MIGA1: variants seen among roughly 807,000 people sequenced by gnomAD.
The protein encoded by MIGA1 is family with sequence similarity 73, member A.
In MIGA1, 58 loss-of-function variants were observed where a neutral mutation model predicts 82.0. The ratio of observed to expected loss-of-function variants is 0.71; its 90% CI spans 0.57 to 0.88. The LOEUF (loss-of-function observed/expected upper bound fraction) is 0.88, where lower values mean the gene tolerates loss of function less well. Ranked by LOEUF, MIGA1 falls within the 40% of genes least tolerant of loss-of-function variation. The probability of loss-of-function intolerance (pLI) is 0.00; values close to 1 mark genes in which losing one functional copy is unlikely to be tolerated. For synonymous variants in MIGA1, 249 were observed against 253.6 expected, an observed-to-expected ratio of 0.98 and a Z score of 0.17; for missense variants, 751 against 749.1, an observed-to-expected ratio of 1.00 and a Z score of -0.03.
chr1:77,805,105 C>T (rs1683041095), intron 4 of MIGA1, among the ~76,000 whole-genome samples: 1 of 151,400 alleles, frequency 6.6e-6, no homozygotes, highest in East Asian at 1.9e-4. Context: ...TGCCATTCTC[C>T]TGGCTCAGCC....
rs776027314 is a variant in MIGA1 at position 77,801,387 on chromosome 1, A to G, written c.252A>G (p.Ile84Met). 2 of 1,605,454 alleles carry G rather than the reference A, an allele frequency of 1.2e-6. No homozygotes were observed. The highest frequency in any genetic ancestry group is 1.7e-6 in the Non-Finnish European group (2 of 1,178,458). ...TTGTGGTAACTGCAGTGAGTGCTAT[A>G]TCTGTAATTTTTCTGGCTCATCACT... Residue 84 changes from isoleucine to methionine, a missense_variant, in exon 3 of 16, where the codon ATA (isoleucine) becomes ATG (methionine). Ile to Met is a conservative substitution (Grantham distance 10, BLOSUM62 1). Around this residue, in one of 3 missense-constraint regions of MIGA1, gnomAD observed 482 missense variants for 439.4 expected, o/e 1.10. Transcript: ENST00000370791.
chr1:77,803,349 CTA>C lies in MIGA1; in HGVS notation c.455_456del (p.Tyr152CysfsTer2). 1 of 1,569,350 alleles carries C rather than the reference CTA, an allele frequency of 6.4e-7. No individual in the cohort carries two copies. The highest frequency in any genetic ancestry group is 2.3e-5 in the East Asian group (1 of 42,960). ...AAGACAAAGGATCTCAAGTTTGTAA[CTA>C]TGCTAATGGAGGACTTTTCAGTAAA... On this transcript the variant is annotated frameshift_variant, in exon 4 of 16. Transcript: ENST00000370791. LOFTEE classifies it high-confidence loss of function.
intron 2 of MIGA1, among the ~76,000 whole-genome samples, chr1:77,794,957 T>C (rs1448271179): frequency 6.6e-6 from 1 of 152,158 alleles, no homozygotes; most frequent in Non-Finnish European, 1.5e-5. Flanking sequence ...TGATGCTGCC[T>C]TCAGGAGTTT....
chr1:77,869,144 C>T (rs939947720), intron 14 of MIGA1, among the ~76,000 whole-genome samples: 2 of 148,334 alleles, frequency 1.3e-5, no homozygotes, highest in Non-Finnish European at 3.0e-5. Context: ...GGTGATGACT[C>T]TTAACGAGCA....
intron 3 of MIGA1, among the ~76,000 whole-genome samples, chr1:77,802,940 C>T (rs977381966): frequency 4.6e-5 from 7 of 152,096 alleles, no homozygotes; most frequent in Admixed American, 6.5e-5. Context: ...GTTAAATTTA[C>T]AGTTTAACAA....
chr1:77,790,290 T>C (rs1682359369), intron 2 of MIGA1, among the ~76,000 whole-genome samples: 1 of 152,160 alleles, frequency 6.6e-6, no homozygotes, highest in Non-Finnish European at 1.5e-5. Flanking sequence ...CACACCTTTC[T>C]TTTTTTGTCT....
At chr1:77,865,609 G>A (rs996832209) in intron 13 of MIGA1, among the ~76,000 whole-genome samples, 15 of 151,640 alleles carry the variant, frequency 9.9e-5, no homozygotes, top group African/African-American at 3.6e-4. Context: ...AAAAGAAGAA[G>A]AAAAATTACT....
chr1:77,875,802 C>T lies in MIGA1; in HGVS notation c.*738C>T, dbSNP rs991214692. Reference sequence around the variant, plus strand: ...AACATAAAAATAAATTAGCTGGTATCAAGCAGAGTTCCATGGAAATATTAA... The same window carrying T: ...AACATAAAAATAAATTAGCTGGTATTAAGCAGAGTTCCATGGAAATATTAA... On this transcript the variant is annotated 3_prime_UTR_variant, in exon 16 of 16. Coordinates refer to ENST00000370791, the MANE Select transcript of MIGA1 (RefSeq NM_198549.4). 6.6e-6 allele frequency: 1 copy of T among 151,956 alleles called. No homozygotes were observed. Among genetic ancestry groups the T allele is most frequent in the East Asian group, 1.9e-4 (1 of 5,174 alleles). The allele number at this position is 151,956 out of a possible 1,614,324, so 9.4% of individuals were successfully genotyped here.
chr1:77,808,157 C>G (rs1186054300), intron 5 of MIGA1, among the ~76,000 whole-genome samples: 1 of 140,536 alleles, frequency 7.1e-6, no homozygotes, highest in African/African-American at 2.6e-5. Context: ...TTATTATACT[C>G]TAAGTTTTAG....
At chr1:77,815,276 C>G in intron 7 of MIGA1, 45 bp downstream of exon 7, 1 of 1,436,202 alleles carries the variant, frequency 7.0e-7, no homozygotes, top group Non-Finnish European at 9.4e-7. Context: ...GTTTACTTTT[C>G]TTTTATATCC....
At position 77,789,742 on chromosome 1, in the gene MIGA1, C is replaced by G. The variant is rs562607945; in HGVS notation, c.195+6391C>G. ...GTTCCTGAGTGCTCTTGATAAAACC[C>G]TCGTAATCCTTGCTATCTAGTATAA... On this transcript the variant is annotated intron_variant, in intron 2 of 15. Transcript: ENST00000370791. Among the ~76,000 whole-genome samples, 5 of 151,802 alleles carry G rather than the reference C, an allele frequency of 3.3e-5. No individual in the cohort carries two copies. In the South Asian group the frequency reaches 1.0e-3, roughly 32 times the overall value.
chr1:77,792,577 G>A, intron 2 of MIGA1, among the ~76,000 whole-genome samples: 1 of 152,150 alleles, frequency 6.6e-6, no homozygotes, highest in East Asian at 1.9e-4. Context: ...GATAAAAAAA[G>A]TTTTAAAATG....
intron 8 of MIGA1, among the ~76,000 whole-genome samples, chr1:77,846,702 C>T (rs566457475): frequency 2.7e-4 from 41 of 151,658 alleles, no homozygotes; most frequent in Admixed American, 9.8e-4. Context: ...AATCCCAGCA[C>T]TTTGGGAGGC....
chr1:77,813,356 C>T (rs1043825997), intron 5 of MIGA1, among the ~76,000 whole-genome samples: 1 of 152,086 alleles, frequency 6.6e-6, no homozygotes, highest in African/African-American at 2.4e-5. Context: ...CTTCTATCTT[C>T]CCATTAGTTT....
At chr1:77,873,733 A>T (rs1646868865) in intron 15 of MIGA1, among the ~76,000 whole-genome samples, 1 of 152,242 alleles carries the variant, frequency 6.6e-6, no homozygotes, top group Non-Finnish European at 1.5e-5. Flanking sequence ...GGAGCAAATA[A>T]AAGTAAACAT....
chr1:77,869,357 C>G (rs1334425039), intron 14 of MIGA1, among the ~76,000 whole-genome samples: 1 of 148,276 alleles, frequency 6.7e-6, no homozygotes, highest in South Asian at 2.2e-4. Context: ...CACACAGACC[C>G]GGCAACCATC....
At chr1:77,820,612 TTTG>T (rs955493986) in intron 7 of MIGA1, among the ~76,000 whole-genome samples, 6 of 152,054 alleles carry the variant, frequency 3.9e-5, no homozygotes, top group Non-Finnish European at 8.8e-5. Context: ...GGCTGTCGTT[TTTG>T]TTGTTGTTGT....
intron 4 of MIGA1, among the ~76,000 whole-genome samples, chr1:77,804,790 C>T (rs368965166): frequency 3.3e-5 from 5 of 151,640 alleles, no homozygotes; most frequent in Admixed American, 2.6e-4. Flanking sequence ...TCACCACACC[C>T]GGGTAGTTTT....
intron 7 of MIGA1, among the ~76,000 whole-genome samples, chr1:77,823,204 T>G (rs955377669): frequency 2.6e-5 from 4 of 152,086 alleles, no homozygotes; most frequent in Admixed American, 2.0e-4. Context: ...ATAAATGATG[T>G]CTATTCTCCT....
Sources: gnomAD v4.1 joint callset for allele counts (sites outside exome capture counted in the v4.1 genomes callset) on GRCh38, gnomAD v4.1.1 for gene constraint, gnomAD v4.1.1 regional missense constraint, MANE v1.5 for transcripts, NCBI Gene and HGNC (gene_info 2026-07-23, HGNC 2026-07-21) for gene names.